The following SCUBE2 variants were observed in gnomAD, a reference collection of about 807,000 sequenced individuals.
The protein encoded by SCUBE2 is signal peptide, CUB domain and EGF like domain containing 2.
In SCUBE2, 114 loss-of-function variants were observed where a neutral mutation model predicts 125.9. The observed-to-expected ratio is 0.91, with a 90% CI of 0.78 to 1.06. The LOEUF is 1.06. Among genes scored for constraint, SCUBE2 ranks in the 50% least tolerant of loss-of-function variants. SCUBE2 has a pLI of 0.00. For missense variants in SCUBE2, 1,255 were observed against 1,301.8 expected, an observed-to-expected ratio of 0.96 and a Z score of 0.55; for synonymous variants, 459 against 492.9, an observed-to-expected ratio of 0.93 and a Z score of 0.91.
intron 14 of SCUBE2, 38 bp from the exon 15 acceptor site, chr11:9,048,136 G>C (rs771199563): frequency 6.3e-7 from 1 of 1,587,172 alleles, no homozygotes. Flanking sequence ...GCCAAATCCT[G>C]GCAAAGCACT....
intron 16 of SCUBE2, among the ~76,000 whole-genome samples, chr11:9,044,924 G>C (rs1857557555): frequency 6.6e-6 from 1 of 152,160 alleles, no homozygotes; most frequent in Non-Finnish European, 1.5e-5. Flanking sequence ...CACTTTGGGG[G>C]AGTACGCTCC....
chr11:9,079,818 A>C (rs1861493293), intron 2 of SCUBE2, among the ~76,000 whole-genome samples: 1 of 152,236 alleles, frequency 6.6e-6, no homozygotes, highest in South Asian at 2.1e-4. Flanking sequence ...GATTTGGAGT[A>C]ATTTCTAGGA....
intron 16 of SCUBE2, among the ~76,000 whole-genome samples, chr11:9,039,589 G>A (rs75960316): frequency 0.012 from 1,840 of 152,258 alleles, 41 homozygotes; most frequent in African/African-American, 0.043. Context: ...ACTACACCTC[G>A]GGGGTTGACA....
intron 3 of SCUBE2, among the ~76,000 whole-genome samples, chr11:9,075,136 G>A (rs117371244): frequency 0.011 from 1,646 of 151,596 alleles, 15 homozygotes; most frequent in Middle Eastern, 0.02. Context: ...GGATTTGGGA[G>A]GTGGAGGTTG....
intron 11 of SCUBE2, 98 bp downstream of exon 11, chr11:9,053,539 G>C: frequency 7.1e-7 from 1 of 1,403,622 alleles, no homozygotes; most frequent in South Asian, 1.3e-5. Flanking sequence ...GAAGTCAGTG[G>C]AGGGACGGTC....
In SCUBE2 at chr11:9,074,447, G is replaced by A. The variant is rs763511963; in HGVS notation, c.517+34C>T. ...GTGCAAGGGAGAGGGTCTCAGATGT[G>A]GCTCTGCCCCCATCCACAGCTGGGC... On this transcript the variant is annotated intron_variant, in intron 4 of 22. Coordinates refer to ENST00000649792, the MANE Select transcript of SCUBE2 (RefSeq NM_001367977.2). 8.7e-6 allele frequency: 14 copies of A among 1,611,288 alleles called. No homozygotes were observed. The East Asian group carries it at 1.6e-4, about 18-fold the overall frequency.
chr11:9,078,582 G>A (rs1196879187), intron 3 of SCUBE2, among the ~76,000 whole-genome samples: 4 of 152,204 alleles, frequency 2.6e-5, no homozygotes, highest in Non-Finnish European at 4.4e-5. Flanking sequence ...TCCCCACAGA[G>A]CCAGGGCCTG....
intron 2 of SCUBE2, among the ~76,000 whole-genome samples, chr11:9,082,567 C>A (rs1015929145): frequency 6.6e-6 from 1 of 151,816 alleles, no homozygotes; most frequent in African/African-American, 2.4e-5. Flanking sequence ...AAAGTAGAAA[C>A]AATCAAAATG....
chr11:9,090,158 G>T (rs1298993329), intron 1 of SCUBE2, among the ~76,000 whole-genome samples: 6 of 152,290 alleles, frequency 3.9e-5, no homozygotes, highest in African/African-American at 1.2e-4. Flanking sequence ...GCACACATCA[G>T]GCAGGGTTGT....
At chr11:9,027,148 G>C in intron 20 of SCUBE2, 1 of 573,562 alleles carries the variant, frequency 1.7e-6, no homozygotes, top group South Asian at 2.0e-5. Flanking sequence ...GGGGAAGACT[G>C]ACCTGCAGGA....
chr11:9,080,072 A>T (rs553545863), intron 2 of SCUBE2, among the ~76,000 whole-genome samples: 11 of 152,358 alleles, frequency 7.2e-5, no homozygotes, highest in African/African-American at 2.6e-4. Flanking sequence ...TCAAGACAGC[A>T]TGGTACAGGC....
Position 9,060,529 on chromosome 11 carries a change from C to T in SCUBE2, c.851-5G>A. ...CATTGTTGACAGCACACGTTTCTGG[C>T]AAGGAGGTAAGAAAAGACAATTAGC... On this transcript the variant is annotated splice_region_variant and splice_polypyrimidine_tract_variant and intron_variant, in intron 7 of 22. Coordinates refer to ENST00000649792, the MANE Select transcript of SCUBE2 (RefSeq NM_001367977.2). 1 of 1,611,854 alleles carries T rather than the reference C, an allele frequency of 6.2e-7. No homozygotes were observed. Among genetic ancestry groups the T allele is most frequent in the Non-Finnish European group, 8.5e-7 (1 of 1,178,628 alleles).
intron 16 of SCUBE2, among the ~76,000 whole-genome samples, chr11:9,046,197 G>A (rs574690225): frequency 2.6e-4 from 40 of 151,560 alleles, no homozygotes; most frequent in Admixed American, 6.6e-4. Flanking sequence ...TTTAGTAGAG[G>A]CGGGGTTTCA....
chr11:9,034,607 A>C (rs74851953), intron 16 of SCUBE2, among the ~76,000 whole-genome samples: 61 of 152,306 alleles, frequency 4.0e-4, no homozygotes, highest in Non-Finnish European at 8.2e-4. Context: ...GTGTTTTGAA[A>C]AGTTCATTCT....
At chr11:9,045,347 A>C (rs1857598812) in intron 16 of SCUBE2, among the ~76,000 whole-genome samples, 1 of 152,172 alleles carries the variant, frequency 6.6e-6, no homozygotes, top group Non-Finnish European at 1.5e-5. Flanking sequence ...TGAAACAGGC[A>C]CTACTTTCAT....
chr11:9,078,540 T>C (rs76937922), intron 3 of SCUBE2, among the ~76,000 whole-genome samples: 6,628 of 152,278 alleles, frequency 0.044, 234 homozygotes, highest in East Asian at 0.11. Flanking sequence ...GGGCCATTCC[T>C]ACCACACCAT....
intron 7 of SCUBE2, among the ~76,000 whole-genome samples, chr11:9,063,245 C>CA (rs989798795): frequency 1.3e-5 from 2 of 150,430 alleles, no homozygotes; most frequent in African/African-American, 2.5e-5. Flanking sequence ...GACTCTGTCT[C>CA]AAAAAAAAGA....
chr11:9,051,233 C>T (rs1471257046), intron 13 of SCUBE2, among the ~76,000 whole-genome samples: 2 of 142,702 alleles, frequency 1.4e-5, no homozygotes, highest in African/African-American at 5.6e-5. Flanking sequence ...TATCTACCTA[C>T]CTACCTATCT....
At chr11:9,054,517 C>T in intron 10 of SCUBE2, among the ~76,000 whole-genome samples, 1 of 151,664 alleles carries the variant, frequency 6.6e-6, no homozygotes, top group East Asian at 1.9e-4. Flanking sequence ...TACACTAATT[C>T]CCATCAACCT....
Sources: gnomAD v4.1 joint callset for allele counts (sites outside exome capture counted in the v4.1 genomes callset) on GRCh38, gnomAD v4.1.1 for gene constraint, MANE v1.5 for transcripts, NCBI Gene and HGNC (gene_info 2026-07-23, HGNC 2026-07-21) for gene names.